Variants in MBNL1 observed in about 807,000 individuals in gnomAD.
MBNL1 encodes the protein muscleblind like splicing regulator 1.
In MBNL1, 8 loss-of-function variants were observed where a neutral mutation model predicts 42.2. The ratio of observed to expected loss-of-function variants is 0.19; its 90% CI spans 0.11 to 0.34. The LOEUF (loss-of-function observed/expected upper bound fraction) is 0.34. Ranked by LOEUF, MBNL1 falls within the 10% of genes least tolerant of loss-of-function variation. The pLI is 1.00. For missense variants in MBNL1, 309 were observed against 495.3 expected, an observed-to-expected ratio of 0.62 and a Z score of 3.57; for synonymous variants, 169 against 173.9, an observed-to-expected ratio of 0.97 and a Z score of 0.22.
intron 2 of MBNL1, among the ~76,000 whole-genome samples, chr3:152,258,987 C>T (rs1439926161): frequency 1.3e-5 from 2 of 152,136 alleles, no homozygotes. Flanking sequence ...ACGAGCCTTC[C>T]AGAGCTTTGT....
Position 152,415,111 on chromosome 3 carries a change from G to A in MBNL1, c.345G>A (p.Val115=). Residue 115 remains valine (V), a splice_region_variant and synonymous_variant, in exon 3 of 10, where the codon GTG becomes GTA. Coordinates refer to ENST00000324210, the MANE Select transcript of MBNL1 (RefSeq NM_021038.5). The part of the protein sequence containing the change: ...AMMPGAPLQP[V]PMFSVAPSLA... ...TGCCTGGTGCCCCATTACAACCCGT[G>A]GTAAGCATGTTTTCAGTCTTCACTC... 1 of 1,571,172 alleles carries A rather than the reference G, an allele frequency of 6.4e-7. No individual in the cohort carries two copies. The highest frequency in any genetic ancestry group is 8.6e-7 in the Non-Finnish European group (1 of 1,161,792).
At chr3:152,260,636 G>T (rs1345358484) in intron 2 of MBNL1, among the ~76,000 whole-genome samples, 4 of 152,030 alleles carry the variant, frequency 2.6e-5, no homozygotes, top group Non-Finnish European at 5.9e-5. Flanking sequence ...CTCTCAAGGG[G>T]GTGCTTATAA....
At chr3:152,408,685 G>A (rs77496463) in intron 2 of MBNL1, among the ~76,000 whole-genome samples, 5,063 of 151,688 alleles carry the variant, frequency 0.033, 284 homozygotes, top group African/African-American at 0.12. Context: ...ATCCCAGGCA[G>A]ATGAATACAG....
chr3:152,369,310 G>A (rs568012046), intron 2 of MBNL1, among the ~76,000 whole-genome samples: 10 of 152,204 alleles, frequency 6.6e-5, no homozygotes, highest in African/African-American at 1.9e-4. Context: ...GATGGATTAC[G>A]TTTATTGATT....
At chr3:152,331,063 A>T (rs13097274) in intron 2 of MBNL1, among the ~76,000 whole-genome samples, 6,995 of 152,040 alleles carry the variant, frequency 0.046, 559 homozygotes, top group East Asian at 0.31. Context: ...AATACTGATT[A>T]AAAAAATCTC....
chr3:152,443,040 GA>G (rs1475626876), intron 4 of MBNL1, among the ~76,000 whole-genome samples: 1 of 151,946 alleles, frequency 6.6e-6, no homozygotes, highest in East Asian at 1.9e-4. Flanking sequence ...TTTAACCTCA[GA>G]AAAGGTTGGT....
At chr3:152,271,040 AT>A (rs1222092235) in intron 1 of MBNL1, among the ~76,000 whole-genome samples, 1 of 152,232 alleles carries the variant, frequency 6.6e-6, no homozygotes, top group East Asian at 1.9e-4. Flanking sequence ...GCCTAGTTTA[AT>A]TTTTTTCCTT....
chr3:152,296,074 G>A (rs1291122410), intron 1 of MBNL1, among the ~76,000 whole-genome samples: 1 of 152,192 alleles, frequency 6.6e-6, no homozygotes, highest in East Asian at 1.9e-4. Flanking sequence ...AAGTCAGACT[G>A]ATAAGGATTC....
rs188692794 is a variant in MBNL1 at position 152,454,980 on chromosome 3, C to T, written c.962-562C>T. On this transcript the variant is annotated intron_variant, in intron 6 of 9. Coordinates refer to ENST00000324210, the MANE Select transcript of MBNL1 (RefSeq NM_021038.5). ...AATCCTGTATGAATAATTACAACCC[C>T]TTTCATGTTTATATGGTTGCTGCTA... Among the ~76,000 whole-genome samples the T allele has an allele frequency of 3.9e-4, 60 of 152,210 alleles. No homozygotes were observed. The East Asian group carries it at 0.011, about 27-fold the overall frequency.
chr3:152,369,364 T>G (rs1302510315), intron 2 of MBNL1, among the ~76,000 whole-genome samples: 1 of 152,228 alleles, frequency 6.6e-6, no homozygotes, highest in Non-Finnish European at 1.5e-5. Flanking sequence ...TGAAGCTGAC[T>G]TGATTGTGGT....
chr3:152,284,770 G>T lies in MBNL1; in HGVS notation c.-789-14635G>T, dbSNP rs532634052. On this transcript the variant is annotated intron_variant, in intron 1 of 9. Coordinates refer to ENST00000324210, the MANE Select transcript of MBNL1 (RefSeq NM_021038.5). ...TAAAGCGGCATTGCATTTTACCTAC[G>T]TGGAAGTTTTCTGCAGACATATTTT... Among the ~76,000 whole-genome samples, 267 of 152,136 alleles carry T rather than the reference G, an allele frequency of 1.8e-3. 1 individual carries two copies. Among genetic ancestry groups the T allele is most frequent in the Non-Finnish European group, 2.9e-3 (196 of 67,986 alleles).
At chr3:152,295,607 T>C (rs2058226198) in intron 1 of MBNL1, among the ~76,000 whole-genome samples, 1 of 152,196 alleles carries the variant, frequency 6.6e-6, no homozygotes, top group African/African-American at 2.4e-5. Context: ...TCAGGGCATA[T>C]ATAACATTGA....
intron 3 of MBNL1, among the ~76,000 whole-genome samples, chr3:152,416,711 C>T (rs1017541065): frequency 2.0e-5 from 3 of 152,204 alleles, no homozygotes; most frequent in African/African-American, 7.2e-5. Context: ...ACCACATTTC[C>T]TGACCTAGCC....
intron 1 of MBNL1, among the ~76,000 whole-genome samples, chr3:152,282,932 A>G (rs561422725): frequency 6.6e-6 from 1 of 152,236 alleles, no homozygotes; most frequent in Non-Finnish European, 1.5e-5. Flanking sequence ...AGGCCAGTAC[A>G]GGAGGCTCCA....
chr3:152,335,031 TCTGCTG>T (rs956334932), intron 2 of MBNL1: 4 of 1,188,992 alleles, frequency 3.4e-6, no homozygotes, highest in Admixed American at 5.4e-5. Context: ...TGCTCCAGCT[TCTGCTG>T]CTGCTGCTGC....
intron 6 of MBNL1, among the ~76,000 whole-genome samples, chr3:152,450,618 G>T (rs995316095): frequency 6.6e-6 from 1 of 152,208 alleles, no homozygotes; most frequent in Admixed American, 6.5e-5. Flanking sequence ...AGGATTGTCT[G>T]CCTGGCAGGT....
intron 2 of MBNL1, among the ~76,000 whole-genome samples, chr3:152,320,628 G>T (rs1047149414): frequency 4.6e-5 from 7 of 151,140 alleles, no homozygotes; most frequent in African/African-American, 1.5e-4. Context: ...GCTTTCAAAG[G>T]TTGCATAGGG....
chr3:152,302,004 TACA>T (rs1323918349), intron 2 of MBNL1: 5 of 152,244 alleles, frequency 3.3e-5, no homozygotes, highest in African/African-American at 1.2e-4. Context: ...GACCTGCTTC[TACA>T]ACATTTGGAA....
chr3:152,250,162 A>T (rs1576775455), intron 2 of MBNL1, among the ~76,000 whole-genome samples: 2 of 151,978 alleles, frequency 1.3e-5, no homozygotes, highest in East Asian at 3.9e-4. Flanking sequence ...GAAGAAAGTC[A>T]TTGGTAGCTT....
Sources: allele counts gnomAD v4.1 joint callset (sites outside exome capture counted in the v4.1 genomes callset), GRCh38; gene constraint gnomAD v4.1.1; transcripts MANE v1.5; gene names NCBI Gene and HGNC (gene_info 2026-07-23, HGNC 2026-07-21).